Variants in KIAA2012 observed in about 807,000 individuals in gnomAD.
KIAA2012 encodes uncharacterized protein KIAA2012.
A neutral mutation model predicts 150.6 loss-of-function variants in KIAA2012; 125 were observed. The ratio of observed to expected loss-of-function variants is 0.83; its 90% confidence interval spans 0.72 to 0.96. The LOEUF is 0.96. Ranked by LOEUF, KIAA2012 falls within the 40% of genes least tolerant of loss-of-function variation. KIAA2012 has a pLI of 0.00. For missense variants in KIAA2012, 1,219 were observed against 1,354.9 expected (o/e 0.90, Z 1.57); for synonymous variants, 462 against 504.7 (o/e 0.92, Z 1.13).
At chr2:202,080,696 C>CAAAAAA (rs59085497) in intron 2 of KIAA2012, among the ~76,000 whole-genome samples, 2 of 104,760 alleles carry the variant, frequency 1.9e-5, no homozygotes, top group Admixed American at 9.9e-5. Context: ...AACTCCGTCT[C>CAAAAAA]AAAAAAAAAA....
At chr2:202,148,714 T>G (rs1268934386) in intron 13 of KIAA2012, among the ~76,000 whole-genome samples, 1 of 152,202 alleles carries the variant, frequency 6.6e-6, no homozygotes, top group East Asian at 1.9e-4. Flanking sequence ...GGCGTCCATC[T>G]GACCTCCTGC....
intron 13 of KIAA2012, 46 bp downstream of exon 13, chr2:202,138,554 CTTGG>C: frequency 2.1e-6 from 3 of 1,425,182 alleles, no homozygotes; most frequent in Non-Finnish European, 2.9e-6. Flanking sequence ...AGTCACAACT[CTTGG>C]GTTCTTGTTT....
intron 13 of KIAA2012, among the ~76,000 whole-genome samples, chr2:202,153,607 C>T (rs1031947152): frequency 6.6e-6 from 1 of 152,190 alleles, no homozygotes; most frequent in Non-Finnish European, 1.5e-5. Flanking sequence ...CACTTCCATC[C>T]CCAGCTATTC....
intron 15 of KIAA2012, among the ~76,000 whole-genome samples, chr2:202,170,047 C>T (rs1050705627): frequency 6.6e-6 from 1 of 152,192 alleles, no homozygotes; most frequent in African/African-American, 2.4e-5. Context: ...GCTCATCCCC[C>T]ACCCCCACTT....
chr2:202,171,847 CT>C (rs60916677), intron 15 of KIAA2012, among the ~76,000 whole-genome samples: 10 of 116,698 alleles, frequency 8.6e-5, no homozygotes, highest in Non-Finnish European at 1.2e-4. Flanking sequence ...TTGGCATTTA[CT>C]TTTTTTTTTT....
intron 13 of KIAA2012, among the ~76,000 whole-genome samples, chr2:202,151,500 C>T (rs976155888): frequency 6.6e-6 from 1 of 152,002 alleles, no homozygotes; most frequent in African/African-American, 2.4e-5. Context: ...GGGCTGGCTC[C>T]AGCTTGTCAT....
At chr2:202,109,939 A>C (rs927023201) in intron 10 of KIAA2012, 150 bp downstream of exon 10, 1 of 707,672 alleles carries the variant, frequency 1.4e-6, no homozygotes, top group African/African-American at 1.8e-5. Context: ...CAGTGGGATT[A>C]ATGTTCCCCA....
intron 13 of KIAA2012, among the ~76,000 whole-genome samples, chr2:202,141,391 G>A (rs1430676712): frequency 2.0e-5 from 3 of 152,000 alleles, no homozygotes; most frequent in Non-Finnish European, 2.9e-5. Context: ...GTGGGGGCAG[G>A]GGTAAGAAAA....
intron 13 of KIAA2012, among the ~76,000 whole-genome samples, chr2:202,154,349 T>G (rs920909016): frequency 6.6e-6 from 1 of 152,164 alleles, no homozygotes; most frequent in Non-Finnish European, 1.5e-5. Context: ...TTGCTTAACC[T>G]CCCAGAGCCT....
At chr2:202,114,222 T>G (rs1690457678) in intron 11 of KIAA2012, 1 of 152,810 alleles carries the variant, frequency 6.5e-6, no homozygotes, top group Admixed American at 6.5e-5. Flanking sequence ...GTATCCAAGG[T>G]TCCTCCACCA....
intron 15 of KIAA2012, among the ~76,000 whole-genome samples, chr2:202,167,092 T>C (rs1691783850): frequency 6.6e-6 from 1 of 151,124 alleles, no homozygotes; most frequent in African/African-American, 2.4e-5. Flanking sequence ...GAGAATGGCA[T>C]GAACCCAGCA....
chr2:202,191,192 G>T (rs1273453417), intron 19 of KIAA2012, among the ~76,000 whole-genome samples: 2 of 152,070 alleles, frequency 1.3e-5, no homozygotes, highest in Admixed American at 1.3e-4. Context: ...CAGGAGAATT[G>T]CTTGAACCTG....
At position 202,139,219 on chromosome 2, in the gene KIAA2012, G is replaced by A. The variant is rs781655289; in HGVS notation, c.1908+711G>A. Among the ~76,000 whole-genome samples, 407 of 145,602 alleles carry A rather than the reference G, an allele frequency of 2.8e-3. 3 individuals are homozygous for A. Among genetic ancestry groups the A allele is most frequent in the Middle Eastern group, 3.4e-3 (1 of 290 alleles). On this transcript the variant is annotated intron_variant, in intron 13 of 23. Transcript: ENST00000498697. ...TCATGCTGCAGCCAGAATCCAGAGT[G>A]AGACCCTGTCTCAGGAAAAAAAAAA...
intron 11 of KIAA2012, 85 bp downstream of exon 11, chr2:202,113,531 G>A: frequency 1.1e-6 from 1 of 883,826 alleles, no homozygotes; most frequent in South Asian, 1.7e-5. Flanking sequence ...TTTCCCAGCA[G>A]CAGCGACATC....
chr2:202,097,769 T>C (rs968036456), intron 5 of KIAA2012, among the ~76,000 whole-genome samples, 192 bp downstream of exon 5: 31 of 152,078 alleles, frequency 2.0e-4, no homozygotes, highest in African/African-American at 7.2e-4. Context: ...TTTTGTATTT[T>C]AGTGGAGATG....
chr2:202,141,483 C>G (rs1219297256), intron 13 of KIAA2012, among the ~76,000 whole-genome samples: 1 of 152,132 alleles, frequency 6.6e-6, no homozygotes, highest in African/African-American at 2.4e-5. Flanking sequence ...ACTCCAAGCT[C>G]CCATTTCCTC....
rs1574318541 is a variant in KIAA2012, at chr2:202,196,944, A to G, written c.3332A>G (p.Glu1111Gly). The G allele has an allele frequency of 6.4e-7, 1 of 1,550,628 alleles. No homozygotes were observed. The highest frequency in any genetic ancestry group is 8.7e-7 in the Non-Finnish European group (1 of 1,146,992). The change falls in exon 22 of 24, where the codon GAG becomes GGG. Residue 1111 changes from glutamate to glycine, a missense_variant. Glu to Gly is a moderately conservative substitution (Grantham distance 98). Transcript: ENST00000498697. ...AEEKARLEAEERRQKEEEAAR... is the reference protein window; with the variant it reads ...AEEKARLEAEGRRQKEEEAAR... ...GAGAAGGCTCGGCTGGAGGCAGAGG[A>G]GAGGAGGCAAAAAGAAGAGGAAGCA...
At chr2:202,176,470 T>A (rs985141847) in intron 15 of KIAA2012, among the ~76,000 whole-genome samples, 4 of 152,230 alleles carry the variant, frequency 2.6e-5, no homozygotes, top group African/African-American at 9.6e-5. Context: ...GTGCTGGGAT[T>A]ACAGGTGTGA....
chr2:202,099,901 C>T, intron 6 of KIAA2012, 105 bp downstream of exon 6: 2 of 1,032,360 alleles, frequency 1.9e-6, no homozygotes, highest in South Asian at 1.8e-5. Flanking sequence ...GCGCCACTCA[C>T]CTTACAAAAT....
Sources: allele counts gnomAD v4.1 joint callset (sites outside exome capture counted in the v4.1 genomes callset), GRCh38; gene constraint gnomAD v4.1.1; transcripts MANE v1.5; gene names NCBI Gene and HGNC (gene_info 2026-07-23, HGNC 2026-07-21).